RAPGEF2: variants seen among roughly 807,000 people sequenced by gnomAD.
RAPGEF2 encodes Rap guanine nucleotide exchange factor 2.
In RAPGEF2, 54 loss-of-function variants were observed where a neutral mutation model predicts 186.7. The observed-to-expected ratio is 0.29, with a 90% CI of 0.23 to 0.36. The LOEUF (loss-of-function observed/expected upper bound fraction) is 0.36, where lower values mean the gene tolerates loss of function less well. RAPGEF2 is among the 10% of genes least tolerant of loss of function. The probability of loss-of-function intolerance (pLI) is 1.00; values close to 1 mark genes in which losing one functional copy is unlikely to be tolerated. For synonymous variants in RAPGEF2, 712 were observed against 705.9 expected (o/e 1.01, Z -0.14); for missense variants, 1,532 against 2,045.0 (o/e 0.75, Z 4.84).
chr4:159,114,119 A>AT (rs772011656), intron 1 of RAPGEF2, among the ~76,000 whole-genome samples: 352 of 136,866 alleles, frequency 2.6e-3, no homozygotes, highest in African/African-American at 4.4e-3. Context: ...TACCTGGCTA[A>AT]TTTTTTTTTT....
At chr4:159,262,951 CT>C (rs1757040083) in intron 7 of RAPGEF2, among the ~76,000 whole-genome samples, 2 of 152,160 alleles carry the variant, frequency 1.3e-5, no homozygotes, top group South Asian at 4.2e-4. Context: ...TTTCTAAAGA[CT>C]GTATTTAGAT....
chr4:159,231,242 A>G (rs1308961953), intron 4 of RAPGEF2, among the ~76,000 whole-genome samples: 1 of 152,098 alleles, frequency 6.6e-6, no homozygotes, highest in East Asian at 1.9e-4. Context: ...AGGCTATACC[A>G]TCTTGGTTTG....
chr4:159,207,614 G>A (rs1750117756), intron 3 of RAPGEF2, among the ~76,000 whole-genome samples: 1 of 152,132 alleles, frequency 6.6e-6, no homozygotes, highest in African/African-American at 2.4e-5. Flanking sequence ...TTTAATCCTT[G>A]CAGCAGCCTA....
intron 2 of RAPGEF2, among the ~76,000 whole-genome samples, chr4:159,189,751 A>G (rs1054116153): frequency 6.6e-6 from 1 of 152,160 alleles, no homozygotes; most frequent in Non-Finnish European, 1.5e-5. Flanking sequence ...TTGGTACTTG[A>G]TTCCTCCATT....
At chr4:159,173,007 CTTTAGCATTTTAGCTCA>C (rs1459340392) in intron 1 of RAPGEF2, among the ~76,000 whole-genome samples, 3 of 152,088 alleles carry the variant, frequency 2.0e-5, no homozygotes, top group Non-Finnish European at 4.4e-5. Context: ...CCTAAAATTT[CTTTAGCATTTTAGCTCA>C]TTTTCTGACC....
intron 17 of RAPGEF2, among the ~76,000 whole-genome samples, chr4:159,337,407 A>G (rs569487244): frequency 1.1e-4 from 16 of 152,298 alleles, no homozygotes; most frequent in Admixed American, 4.6e-4. Context: ...TTCTTCAACT[A>G]TTGAAGGTCA....
chr4:159,293,248 T>G (rs1172400208), intron 7 of RAPGEF2, among the ~76,000 whole-genome samples: 1 of 152,206 alleles, frequency 6.6e-6, no homozygotes, highest in Non-Finnish European at 1.5e-5. Flanking sequence ...GGTCATCCCT[T>G]TCTGTCTAGT....
chr4:159,260,232 A>G (rs758891599), intron 7 of RAPGEF2, among the ~76,000 whole-genome samples: 47 of 151,764 alleles, frequency 3.1e-4, no homozygotes, highest in Non-Finnish European at 5.9e-4. Flanking sequence ...TGCCTGCTTC[A>G]GCCTCCCAGA....
intron 1 of RAPGEF2, among the ~76,000 whole-genome samples, chr4:159,117,163 TATC>T (rs1397564023): frequency 6.6e-6 from 1 of 152,218 alleles, no homozygotes; most frequent in Non-Finnish European, 1.5e-5. Flanking sequence ...TGAAACATAG[TATC>T]ATAAAATGCC....
chr4:159,135,780 A>G, intron 1 of RAPGEF2, among the ~76,000 whole-genome samples: 1 of 151,830 alleles, frequency 6.6e-6, no homozygotes, highest in East Asian at 1.9e-4. Context: ...TTGTATTTTT[A>G]GAGAGATGGG....
intron 1 of RAPGEF2, among the ~76,000 whole-genome samples, chr4:159,130,211 T>C (rs1553996761): frequency 6.6e-6 from 1 of 152,236 alleles, no homozygotes; most frequent in Non-Finnish European, 1.5e-5. Context: ...TGTCTGCTTC[T>C]TTACCTTGTC....
chr4:159,299,199 T>A (rs1407935955), intron 7 of RAPGEF2, among the ~76,000 whole-genome samples: 2 of 152,150 alleles, frequency 1.3e-5, no homozygotes, highest in African/African-American at 4.8e-5. Flanking sequence ...GTAGATTTAT[T>A]CAAGGTAAGA....
At position 159,355,880 on chromosome 4, in the gene RAPGEF2, C is replaced by CGGG; in HGVS notation, c.4679_4680insGGG (p.Pro1560_Pro1561insGly). The CGGG allele has an allele frequency of 6.5e-7, 1 of 1,526,968 alleles. No homozygotes were observed. The highest frequency in any genetic ancestry group is 8.9e-7 in the Non-Finnish European group (1 of 1,126,510). 94.6% of individuals were successfully genotyped at this position (1,526,968 alleles called of 1,614,324 possible). On this transcript the variant is annotated inframe_insertion, in exon 29 of 30. Coordinates refer to ENST00000691494, the MANE Select transcript of RAPGEF2 (RefSeq NM_001394067.2). ...CGAAAGGAGGGCAGGTATCGAGAGC[C>CGGG]CCCGCCCACCCCTCCCGGCTACATT...
intron 3 of RAPGEF2, among the ~76,000 whole-genome samples, chr4:159,200,197 G>A (rs1749254305): frequency 6.6e-6 from 1 of 152,174 alleles, no homozygotes; most frequent in Admixed American, 6.5e-5. Flanking sequence ...GCCAGGCACA[G>A]TGGCTCATGC....
chr4:159,244,258 T>TCCCA (rs1754347449), intron 7 of RAPGEF2, among the ~76,000 whole-genome samples: 1 of 151,940 alleles, frequency 6.6e-6, no homozygotes, highest in Non-Finnish European at 1.5e-5. Context: ...AGGCCACTGG[T>TCCCA]AAAATTTCAG....
chr4:159,139,133 G>A (rs914373321), intron 1 of RAPGEF2, among the ~76,000 whole-genome samples: 10 of 152,198 alleles, frequency 6.6e-5, no homozygotes, highest in South Asian at 2.1e-4. Flanking sequence ...CACACCTACC[G>A]TGTGTGTATG....
At chr4:159,329,680 G>A in intron 11 of RAPGEF2, 178 bp from the exon 12 acceptor site, 1 of 409,522 alleles carries the variant, frequency 2.4e-6, no homozygotes, top group Non-Finnish European at 4.3e-6. Context: ...CTTGACCAAG[G>A]AAGAAATACA....
At chr4:159,294,346 A>G (rs1213301292) in intron 7 of RAPGEF2, among the ~76,000 whole-genome samples, 1 of 152,070 alleles carries the variant, frequency 6.6e-6, no homozygotes, top group African/African-American at 2.4e-5. Context: ...GAGCTCATCA[A>G]AGTTGTTGTC....
intron 2 of RAPGEF2, among the ~76,000 whole-genome samples, chr4:159,189,054 C>T (rs1172893912): frequency 6.6e-6 from 1 of 152,110 alleles, no homozygotes; most frequent in Non-Finnish European, 1.5e-5. Context: ...TATAATACTA[C>T]AATTTCTGGG....
Sources: allele counts gnomAD v4.1 joint callset (sites outside exome capture counted in the v4.1 genomes callset), GRCh38; gene constraint gnomAD v4.1.1; transcripts MANE v1.5; gene names NCBI Gene and HGNC (gene_info 2026-07-23, HGNC 2026-07-21).